The following ARHGAP15 variants were observed in gnomAD, a reference collection of about 807,000 sequenced individuals.
ARHGAP15 encodes Rho GTPase activating protein 15.
Under a neutral mutation model 63.7 loss-of-function variants are expected in ARHGAP15, and 51 were observed. The observed-to-expected ratio is 0.80, with a 90% CI of 0.64 to 1.01. The LOEUF is 1.01. ARHGAP15 is among the 50% of genes least tolerant of loss of function. ARHGAP15 has a pLI of 0.00. For missense variants in ARHGAP15, 560 were observed against 564.6 expected, an observed-to-expected ratio of 0.99 and a Z score of 0.08; for synonymous variants, 191 against 193.8, an observed-to-expected ratio of 0.99 and a Z score of 0.12.
chr2:143,286,890 G>T (rs1194084138), intron 6 of ARHGAP15, among the ~76,000 whole-genome samples: 1 of 152,046 alleles, frequency 6.6e-6, no homozygotes, highest in Non-Finnish European at 1.5e-5. Flanking sequence ...TCTAAACCAC[G>T]AACTTATACG....
At chr2:143,225,617 C>A (rs1211811874) in intron 4 of ARHGAP15, among the ~76,000 whole-genome samples, 1 of 107,050 alleles carries the variant, frequency 9.3e-6, no homozygotes, top group Non-Finnish European at 2.0e-5. Flanking sequence ...AAAAACAAAA[C>A]AAAACAAAAC....
At chr2:143,673,227 AAAC>A (rs1404986156) in intron 12 of ARHGAP15, among the ~76,000 whole-genome samples, 1 of 152,044 alleles carries the variant, frequency 6.6e-6, no homozygotes, top group Admixed American at 6.5e-5. Context: ...AGCATCTAGA[AAAC>A]AAACAGAGTG....
chr2:143,146,841 G>A (rs1289798270), intron 1 of ARHGAP15, among the ~76,000 whole-genome samples: 1 of 152,078 alleles, frequency 6.6e-6, no homozygotes, highest in Non-Finnish European at 1.5e-5. Context: ...TTGGAGATGA[G>A]CATTAGGGAA....
intron 13 of ARHGAP15, among the ~76,000 whole-genome samples, chr2:143,730,722 C>T (rs918134415): frequency 6.6e-6 from 1 of 151,944 alleles, no homozygotes; most frequent in Non-Finnish European, 1.5e-5. Flanking sequence ...TTATATTCCA[C>T]AGTGCAGTGT....
chr2:143,283,121 A>T (rs1681932762), intron 6 of ARHGAP15, among the ~76,000 whole-genome samples: 1 of 152,146 alleles, frequency 6.6e-6, no homozygotes, highest in African/African-American at 2.4e-5. Context: ...AACATTTTTC[A>T]AGGCAAAATA....
intron 10 of ARHGAP15, among the ~76,000 whole-genome samples, chr2:143,523,885 GA>G (rs1253808795): frequency 6.6e-6 from 1 of 152,120 alleles, no homozygotes; most frequent in Non-Finnish European, 1.5e-5. Flanking sequence ...ATTAGGAAGA[GA>G]AATTGTATGT....
At chr2:143,209,024 TA>T (rs1368789497) in intron 3 of ARHGAP15, among the ~76,000 whole-genome samples, 1 of 152,114 alleles carries the variant, frequency 6.6e-6, no homozygotes, top group Non-Finnish European at 1.5e-5. Flanking sequence ...TTCTACCTTT[TA>T]GAGCCAGATA....
chr2:143,411,248 A>AATTG (rs1055657538), intron 6 of ARHGAP15, among the ~76,000 whole-genome samples: 4 of 151,590 alleles, frequency 2.6e-5, no homozygotes, highest in African/African-American at 9.7e-5. Context: ...AGGGTACATT[A>AATTG]AGATACTTAT....
At chr2:143,406,646 C>T (rs1688211505) in intron 6 of ARHGAP15, among the ~76,000 whole-genome samples, 2 of 151,778 alleles carry the variant, frequency 1.3e-5, no homozygotes, top group South Asian at 4.1e-4. Context: ...TTTATTTAAT[C>T]AGGCATTATT....
At chr2:143,655,746 T>A (rs1425182949) in intron 12 of ARHGAP15, among the ~76,000 whole-genome samples, 1 of 152,076 alleles carries the variant, frequency 6.6e-6, no homozygotes, top group Non-Finnish European at 1.5e-5. Context: ...AAAACAAGAA[T>A]CAGTGTTTTC....
intron 9 of ARHGAP15, among the ~76,000 whole-genome samples, chr2:143,499,591 T>A (rs1228008019): frequency 1.3e-5 from 2 of 152,166 alleles, no homozygotes; most frequent in Non-Finnish European, 2.9e-5. Flanking sequence ...GAAACTGAGA[T>A]AAATTTTGAT....
At chr2:143,745,182 T>G (rs1173672391) in intron 13 of ARHGAP15, among the ~76,000 whole-genome samples, 2 of 152,240 alleles carry the variant, frequency 1.3e-5, no homozygotes, top group Non-Finnish European at 2.9e-5. Context: ...TACCTTTTGT[T>G]GCTTCCATAG....
intron 6 of ARHGAP15, among the ~76,000 whole-genome samples, chr2:143,289,246 C>T (rs1432754125): frequency 6.6e-6 from 1 of 152,168 alleles, no homozygotes; most frequent in Non-Finnish European, 1.5e-5. Flanking sequence ...TGGGCTATGA[C>T]AAACCAAATT....
At chr2:143,579,105 A>G (rs934853815) in intron 11 of ARHGAP15, among the ~76,000 whole-genome samples, 2 of 152,302 alleles carry the variant, frequency 1.3e-5, no homozygotes, top group South Asian at 4.1e-4. Context: ...TAATAAGGCA[A>G]ATGCTGTAAG....
At chr2:143,303,856 C>T (rs1044120952) in intron 6 of ARHGAP15, among the ~76,000 whole-genome samples, 5 of 152,244 alleles carry the variant, frequency 3.3e-5, no homozygotes, top group African/African-American at 7.2e-5. Context: ...TGAAAAAATG[C>T]TCATCATCAC....
chr2:143,496,196 A>G (rs1205427923), intron 9 of ARHGAP15, among the ~76,000 whole-genome samples: 10 of 152,130 alleles, frequency 6.6e-5, no homozygotes, highest in Admixed American at 5.9e-4. Context: ...TTGGTAATAC[A>G]GTACCACATA....
chr2:143,717,669 A>T (rs1309426036), intron 13 of ARHGAP15, among the ~76,000 whole-genome samples: 2 of 152,226 alleles, frequency 1.3e-5, no homozygotes, highest in Non-Finnish European at 2.9e-5. Context: ...TACACAAGAC[A>T]TGAAAGTGTT....
chr2:143,305,855 G>A (rs1037880361), intron 6 of ARHGAP15, among the ~76,000 whole-genome samples: 3 of 151,716 alleles, frequency 2.0e-5, no homozygotes, highest in Non-Finnish European at 4.4e-5. Flanking sequence ...ACAAATTAAG[G>A]GTAATTTAAA....
intron 6 of ARHGAP15, among the ~76,000 whole-genome samples, chr2:143,384,129 GAATTTTATTTTAA>G (rs980182920): frequency 3.3e-5 from 5 of 151,898 alleles, no homozygotes; most frequent in Non-Finnish European, 5.9e-5. Context: ...AGACTCTTAA[GAATTTTATTTTAA>G]AATTTTATTT....
Sources: allele counts gnomAD v4.1 joint callset (sites outside exome capture counted in the v4.1 genomes callset), GRCh38; gene constraint gnomAD v4.1.1; transcripts MANE v1.5; gene names NCBI Gene and HGNC (gene_info 2026-07-23, HGNC 2026-07-21).